IFNG-AS1: variants seen among roughly 807,000 people sequenced by gnomAD.
IFNG-AS1 encodes IFNG regulatory antisense RNA 1, also known as IFNG antisense RNA 1 (non-protein coding).
chr12:68,005,781 G>T (rs1205853018), intron 2 of IFNG-AS1, among the ~76,000 whole-genome samples: 2 of 151,994 alleles, frequency 1.3e-5, no homozygotes, highest in African/African-American at 4.8e-5. Flanking sequence ...AGCAGAGGAT[G>T]GAATAACAGA....
At chr12:68,000,546 C>T (rs1165500547) in intron 2 of IFNG-AS1, among the ~76,000 whole-genome samples, 1 of 151,996 alleles carries the variant, frequency 6.6e-6, no homozygotes, top group Non-Finnish European at 1.5e-5. Flanking sequence ...GTGGTGCACA[C>T]CTGTAAGTCC....
chr12:67,989,823 C>T (rs1210562833), intron 1 of IFNG-AS1, among the ~76,000 whole-genome samples: 1 of 152,138 alleles, frequency 6.6e-6, no homozygotes, highest in Non-Finnish European at 1.5e-5. Flanking sequence ...TCCTCTGAGA[C>T]TTCTTCTATT....
rs1879592811 is a variant in IFNG-AS1, at chr12:67,994,604, T to A, written n.52-1337T>A. 2.6e-5 allele frequency among the ~76,000 whole-genome samples: 4 copies of A among 152,356 alleles called. No individual in the cohort carries two copies. The South Asian group carries it at 8.3e-4, about 32-fold the overall frequency. On this transcript the variant is annotated intron_variant and non_coding_transcript_variant, in intron 1 of 5. Coordinates refer to ENST00000536914, the Ensembl canonical transcript of IFNG-AS1. ...CTTTCAAAGCAATTTAGCAATTGTG[T>A]ATGAAATGGACACACAACATGTCTG... is the stretch of plus-strand genomic sequence containing the variant.
intron 3 of IFNG-AS1, among the ~76,000 whole-genome samples, chr12:68,014,505 T>A (rs1439306237): frequency 6.6e-6 from 1 of 152,212 alleles, no homozygotes; most frequent in African/African-American, 2.4e-5. Flanking sequence ...TAAGATGGTA[T>A]CATATTGTGG....
In IFNG-AS1 at chr12:68,002,007, T is replaced by C. The variant is rs183063671; in HGVS notation, n.185-4083T>C. On this transcript the variant is annotated intron_variant and non_coding_transcript_variant, in intron 2 of 5. Coordinates refer to ENST00000536914, the Ensembl canonical transcript of IFNG-AS1. ...AATGTAATTTATTTACATGTGTTAA[T>C]TATATTATTGATTTAGGTTAAACAT... Among the ~76,000 whole-genome samples, 664 of 152,352 alleles carry C rather than the reference T, an allele frequency of 4.4e-3. 6 individuals are homozygous for C. Among genetic ancestry groups the C allele is most frequent in the African/African-American group, 0.015 (639 of 41,582 alleles).
chr12:68,003,839 G>A (rs753733160), intron 2 of IFNG-AS1, among the ~76,000 whole-genome samples: 5 of 151,484 alleles, frequency 3.3e-5, no homozygotes, highest in African/African-American at 7.3e-5. Flanking sequence ...CCTGGGAGGC[G>A]GAGCTTGCAG....
At position 68,009,487 on chromosome 12, in the gene IFNG-AS1, G is replaced by A. The variant is rs879836339; in HGVS notation, n.241+3341G>A. Among the ~76,000 whole-genome samples the A allele has an allele frequency of 7.9e-5, 12 of 151,948 alleles. No individual in the cohort carries two copies. The South Asian group carries it at 1.5e-3, about 19-fold the overall frequency. On this transcript the variant is annotated intron_variant and non_coding_transcript_variant, in intron 3 of 5. Coordinates refer to ENST00000536914, the Ensembl canonical transcript of IFNG-AS1. ...CTCCTGAGTAGCTGGGACTACAGGC[G>A]CCCGCCACCACGCCCAGCTAATTTT... is the stretch of plus-strand genomic sequence containing the variant.
chr12:67,999,787 T>C (rs2120430538), intron 2 of IFNG-AS1, among the ~76,000 whole-genome samples: 1 of 152,282 alleles, frequency 6.6e-6, no homozygotes, highest in Non-Finnish European at 1.5e-5. Context: ...ATTTACATAG[T>C]CCTAAAGTCT....
intron 2 of IFNG-AS1, among the ~76,000 whole-genome samples, chr12:67,999,805 C>T (rs559332742): frequency 7.6e-4 from 115 of 152,230 alleles, no homozygotes; most frequent in African/African-American, 2.2e-3. Flanking sequence ...TCTCTCTCTA[C>T]GAAGTCCTTA....
intron 2 of IFNG-AS1, among the ~76,000 whole-genome samples, chr12:68,002,074 G>A (rs941306142): frequency 2.6e-5 from 4 of 152,080 alleles, no homozygotes; most frequent in Non-Finnish European, 4.4e-5. Context: ...TTCCTCTCCC[G>A]GTAATGTTTG....
At chr12:67,994,290 T>C (rs1230995241) in intron 1 of IFNG-AS1, among the ~76,000 whole-genome samples, 1 of 152,246 alleles carries the variant, frequency 6.6e-6, no homozygotes, top group Non-Finnish European at 1.5e-5. Flanking sequence ...AATGCTTTAT[T>C]AACCAGTGTT....
chr12:68,011,437 T>C (rs1022752916), intron 3 of IFNG-AS1, among the ~76,000 whole-genome samples: 1 of 152,162 alleles, frequency 6.6e-6, no homozygotes, highest in Non-Finnish European at 1.5e-5. Context: ...ACCCTGTATA[T>C]ACTGTAACTC....
intron 3 of IFNG-AS1, among the ~76,000 whole-genome samples, chr12:68,008,529 G>C (rs1433726588): frequency 6.6e-6 from 1 of 152,142 alleles, no homozygotes; most frequent in African/African-American, 2.4e-5. Flanking sequence ...TATTAGTTAA[G>C]GTAAGTTTTA....
At chr12:68,016,051 G>A (rs557082409) in intron 3 of IFNG-AS1, among the ~76,000 whole-genome samples, 1 of 152,174 alleles carries the variant, frequency 6.6e-6, no homozygotes, top group East Asian at 1.9e-4. Flanking sequence ...GTCTAGGAGA[G>A]GGGAAAGAAA....
At chr12:68,009,125 A>C (rs1259932222) in intron 3 of IFNG-AS1, among the ~76,000 whole-genome samples, 3 of 152,226 alleles carry the variant, frequency 2.0e-5, no homozygotes, top group Non-Finnish European at 4.4e-5. Context: ...AAGATTAAAA[A>C]CATCCTACAT....
intron 3 of IFNG-AS1, among the ~76,000 whole-genome samples, chr12:68,012,550 C>G (rs1880056654): frequency 6.6e-6 from 1 of 152,166 alleles, no homozygotes. Flanking sequence ...TTCCTTCTCC[C>G]AAACACTTTT....
intron 1 of IFNG-AS1, among the ~76,000 whole-genome samples, chr12:67,990,950 C>T (rs1299340724): frequency 6.6e-6 from 1 of 152,180 alleles, no homozygotes; most frequent in African/African-American, 2.4e-5. Flanking sequence ...CTTCCACCTG[C>T]CCTATGTGGT....
At chr12:67,990,851 C>T (rs1424348663) in intron 1 of IFNG-AS1, among the ~76,000 whole-genome samples, 1 of 152,154 alleles carries the variant, frequency 6.6e-6, no homozygotes, top group Non-Finnish European at 1.5e-5. Flanking sequence ...CTCGGCCTCT[C>T]AAAGTGCTGG....
At chr12:68,003,755 A>C (rs1275688789) in intron 2 of IFNG-AS1, among the ~76,000 whole-genome samples, 1 of 152,070 alleles carries the variant, frequency 6.6e-6, no homozygotes, top group African/African-American at 2.4e-5. Context: ...TCTACTAAAA[A>C]AATTAGCCGG....
Sources: allele counts gnomAD v4.1 joint callset (sites outside exome capture counted in the v4.1 genomes callset), GRCh38; gene constraint gnomAD v4.1.1; transcripts MANE v1.5; gene names NCBI Gene and HGNC (gene_info 2026-07-23, HGNC 2026-07-21).